SSH2: variants seen among roughly 807,000 people sequenced by gnomAD.
The protein encoded by SSH2 is protein phosphatase Slingshot homolog 2.
A neutral mutation model predicts 135.2 loss-of-function variants in SSH2; 37 were observed. The ratio of observed to expected loss-of-function variants is 0.27; its 90% CI spans 0.21 to 0.36. SSH2 has a LOEUF of 0.36. Ranked by LOEUF, SSH2 falls within the 10% of genes least tolerant of loss-of-function variation. The probability of loss-of-function intolerance (pLI) is 1.00; values close to 1 mark genes in which losing one functional copy is unlikely to be tolerated. For missense variants in SSH2, 1,408 were observed against 1,765.3 expected (o/e 0.80, Z 3.63); for synonymous variants, 628 against 646.2 (o/e 0.97, Z 0.43).
intron 12 of SSH2, among the ~76,000 whole-genome samples, chr17:29,653,023 T>C (rs961360247): frequency 5.9e-5 from 9 of 152,198 alleles, no homozygotes; most frequent in South Asian, 2.1e-4. Flanking sequence ...TAATAAATTA[T>C]GGCACTATCT....
chr17:29,919,471 C>T (rs147674239), intron 1 of SSH2, among the ~76,000 whole-genome samples: 44 of 152,118 alleles, frequency 2.9e-4, no homozygotes, highest in African/African-American at 8.0e-4. Flanking sequence ...TGATCAGTAG[C>T]TTTGCTGCTC....
At chr17:29,723,635 T>A (rs1313683993) in intron 3 of SSH2, among the ~76,000 whole-genome samples, 2 of 152,130 alleles carry the variant, frequency 1.3e-5, no homozygotes, top group African/African-American at 4.8e-5. Flanking sequence ...TTGTGGGTAA[T>A]TTTTTCTCTT....
intron 3 of SSH2, among the ~76,000 whole-genome samples, chr17:29,705,258 G>C (rs1177698318): frequency 6.6e-6 from 1 of 151,898 alleles, no homozygotes; most frequent in Non-Finnish European, 1.5e-5. Context: ...TTCCTTACTT[G>C]GACCACTATT....
At chr17:29,761,306 A>G (rs1297813223) in intron 3 of SSH2, 2 of 1,267,278 alleles carry the variant, frequency 1.6e-6, no homozygotes, top group Non-Finnish European at 2.0e-6. Context: ...ACAACTCCGC[A>G]TCCTGGCCTC....
chr17:29,658,270 G>A (rs570165896), intron 11 of SSH2, among the ~76,000 whole-genome samples: 1 of 152,072 alleles, frequency 6.6e-6, no homozygotes, highest in East Asian at 1.9e-4. Flanking sequence ...CCAAAGTGCT[G>A]GGATTACAGA....
intron 3 of SSH2, among the ~76,000 whole-genome samples, chr17:29,762,037 C>A (rs551387846): frequency 4.6e-5 from 7 of 151,976 alleles, no homozygotes; most frequent in Non-Finnish European, 8.8e-5. Flanking sequence ...TGCGCCACCA[C>A]GCCTGGCTAA....
Position 29,848,884 on chromosome 17 carries a change from C to G in SSH2, c.109G>C (p.Glu37Gln). Residue 37 changes from glutamate to glutamine, a missense_variant, in exon 2 of 16, where the codon GAA becomes CAA. Around this residue, in one of 3 missense-constraint regions of SSH2, gnomAD observed 222 missense variants for 355.6 expected, o/e 0.62. Transcript: ENST00000540801. ...DSESAALLCC[E>Q]CEESEIFTDS... ...GTAAAGATTTCTGATTCTTCACATT[C>G]ACAGCAAAGTAATGCTGCTGATTCA... The G allele has an allele frequency of 6.5e-7, 1 of 1,534,620 alleles. No homozygotes were observed. Among genetic ancestry groups the G allele is most frequent in the East Asian group, 2.4e-5 (1 of 40,906 alleles).
chr17:29,731,283 A>G (rs753721795), intron 3 of SSH2, among the ~76,000 whole-genome samples: 1 of 152,146 alleles, frequency 6.6e-6, no homozygotes, highest in East Asian at 1.9e-4. Context: ...TAACATTATA[A>G]ATTCTTAAAG....
At chr17:29,657,570 C>CTTCG (rs2036836454) in intron 11 of SSH2, among the ~76,000 whole-genome samples, 6 of 90,864 alleles carry the variant, frequency 6.6e-5, no homozygotes, top group Admixed American at 5.4e-4. Flanking sequence ...TGCCCGGCTA[C>CTTCG]TTTGTTTTTT....
rs1170732224 is a variant in SSH2, at chr17:29,711,219, A to C, written c.189-8157T>G. Reference sequence around the variant, plus strand: ...TAAACTCTGTTGCACAATGCCCAGCACAACTATACTAGGATGCAGCTATCT... The same window carrying C: ...TAAACTCTGTTGCACAATGCCCAGCCCAACTATACTAGGATGCAGCTATCT... On this transcript the variant is annotated intron_variant, in intron 3 of 15. Coordinates refer to ENST00000540801, the MANE Select transcript of SSH2 (RefSeq NM_001282129.2). Among the ~76,000 whole-genome samples the C allele has an allele frequency of 3.9e-5, 6 of 152,212 alleles. No homozygotes were observed. The East Asian group carries it at 9.6e-4, about 24-fold the overall frequency.
chr17:29,848,796 A>G lies in SSH2; in HGVS notation c.144+53T>C, dbSNP rs527288218. 5.0e-6 allele frequency: 6 copies of G among 1,206,770 alleles called. No homozygotes were observed. The South Asian group carries it at 5.4e-5, about 11-fold the overall frequency. 74.8% of individuals were successfully genotyped at this position (1,206,770 alleles called of 1,614,324 possible). On this transcript the variant is annotated intron_variant, in intron 2 of 15. Coordinates refer to ENST00000540801, the MANE Select transcript of SSH2 (RefSeq NM_001282129.2). ...TGCATTTAATAGCCAAATTTACCCA[A>G]TAAGATTTTACTTGAATCACCAAAG...
intron 2 of SSH2, among the ~76,000 whole-genome samples, chr17:29,799,285 T>TATA (rs2042210150): frequency 3.3e-5 from 5 of 152,182 alleles, no homozygotes; most frequent in Admixed American, 3.3e-4. Context: ...ATATCAACAG[T>TATA]ATATATACCT....
chr17:29,849,082 C>T (rs2065498566), intron 1 of SSH2, among the ~76,000 whole-genome samples, 153 bp from the exon 2 acceptor site: 1 of 152,182 alleles, frequency 6.6e-6, no homozygotes, highest in Admixed American at 6.5e-5. Context: ...GAGAACACTG[C>T]CAACAAGGTG....
chr17:29,743,432 G>A (rs954571200), intron 3 of SSH2, among the ~76,000 whole-genome samples: 10 of 151,418 alleles, frequency 6.6e-5, no homozygotes, highest in East Asian at 1.9e-4. Flanking sequence ...TAAGCATAAC[G>A]AACTTTTTCA....
intron 2 of SSH2, among the ~76,000 whole-genome samples, chr17:29,799,127 G>T (rs1389792218): frequency 6.6e-6 from 1 of 152,086 alleles, no homozygotes; most frequent in African/African-American, 2.4e-5. Flanking sequence ...TATAGCTATA[G>T]TTCACTCATT....
chr17:29,885,092 T>A (rs2066209953), intron 1 of SSH2, among the ~76,000 whole-genome samples: 1 of 152,156 alleles, frequency 6.6e-6, no homozygotes. Context: ...ATAAAAAGCC[T>A]CCAAGGTCTT....
chr17:29,643,534 G>A (rs901347809), intron 14 of SSH2, among the ~76,000 whole-genome samples: 1 of 151,658 alleles, frequency 6.6e-6, no homozygotes, highest in Non-Finnish European at 1.5e-5. Context: ...TTAGCCTCCT[G>A]ATTAGCTGGG....
At chr17:29,744,368 CT>C (rs1303113613) in intron 3 of SSH2, among the ~76,000 whole-genome samples, 5 of 152,100 alleles carry the variant, frequency 3.3e-5, no homozygotes, top group African/African-American at 1.2e-4. Context: ...GCTGAGGAGC[CT>C]GCTGGTCCCG....
chr17:29,746,180 G>C (rs1200942996), intron 3 of SSH2, among the ~76,000 whole-genome samples: 1 of 152,018 alleles, frequency 6.6e-6, no homozygotes, highest in Non-Finnish European at 1.5e-5. Context: ...TCATCTCTTA[G>C]GAAGAGAGAT....
Sources: allele counts gnomAD v4.1 joint callset (sites outside exome capture counted in the v4.1 genomes callset), GRCh38; gene constraint gnomAD v4.1.1; regional missense constraint gnomAD v4.1.1; transcripts MANE v1.5; gene names NCBI Gene and HGNC (gene_info 2026-07-23, HGNC 2026-07-21).